Variants in TIPIN observed in about 807,000 individuals in gnomAD.
TIPIN encodes the protein TIMELESS interacting protein, also known as TIMELESS-interacting protein.
TIPIN carries 29 observed loss-of-function variants against 35.6 expected under a neutral mutation model. The observed-to-expected ratio is 0.82, with a 90% CI of 0.61 to 1.11. The LOEUF (loss-of-function observed/expected upper bound fraction) is 1.11, where lower values mean the gene tolerates loss of function less well. TIPIN is among the 50% of genes most tolerant of loss of function. The pLI, the probability that TIPIN is intolerant of heterozygous loss-of-function variation, is 0.00. For synonymous variants in TIPIN, 102 were observed against 121.5 expected (o/e 0.84, Z 1.06); for missense variants, 296 against 345.4 (o/e 0.86, Z 1.13).
chr15:66,382,537 T>C (rs1277073196), intron 1 of TIPIN, among the ~76,000 whole-genome samples: 2 of 152,026 alleles, frequency 1.3e-5, no homozygotes, highest in Non-Finnish European at 2.9e-5. Context: ...ACTATGCCTG[T>C]CTAATATTTG....
rs2140433553 is a variant in TIPIN, at chr15:66,337,009, A to T, written c.855T>A (p.Asn285Lys). 2 of 1,613,740 alleles carry T rather than the reference A, an allele frequency of 1.2e-6. No individual in the cohort carries two copies. The highest frequency in any genetic ancestry group is 4.5e-5 in the East Asian group (2 of 44,864). The change falls in exon 8 of 8, where the codon AAT (asparagine) becomes AAA (lysine). Residue 285 changes from asparagine (N) to lysine (K), a missense_variant. By Grantham distance (94) the Asn-to-Lys change is moderately conservative. Coordinates refer to ENST00000261881, the MANE Select transcript of TIPIN (RefSeq NM_017858.3). ...ATGTAGCATCAAGTTGCTGTTGCAC[A>T]TTTTTAAAAGACTGGTCCAGCAGTG... is the stretch of plus-strand genomic sequence containing the variant. ...EETLLDQSFK[N>K]VQQQLDATSR... is the part of the protein sequence containing the mutation.
intron 1 of TIPIN, among the ~76,000 whole-genome samples, chr15:66,374,809 T>C (rs1307620015): frequency 1.3e-5 from 2 of 152,148 alleles, no homozygotes; most frequent in Non-Finnish European, 2.9e-5. Flanking sequence ...TTCCAACTCC[T>C]GACCTCAGGT....
intron 6 of TIPIN, chr15:66,348,421 C>G (rs1241967825): frequency 6.6e-6 from 1 of 150,798 alleles, no homozygotes; most frequent in East Asian, 2.0e-4. Flanking sequence ...CCTATAATCC[C>G]AGCACTTTGG....
chr15:66,366,725 C>T (rs2093256099), intron 1 of TIPIN: 4 of 673,886 alleles, frequency 5.9e-6, no homozygotes, highest in Non-Finnish European at 7.3e-6. Flanking sequence ...TGAGAATGCA[C>T]CATTGCACTC....
chr15:66,367,316 T>A (rs2093260197), intron 1 of TIPIN, among the ~76,000 whole-genome samples: 1 of 151,818 alleles, frequency 6.6e-6, no homozygotes, highest in African/African-American at 2.4e-5. Flanking sequence ...AATTAGTACA[T>A]CTATGTGGAC....
At chr15:66,338,328 A>C (rs2093059983) in intron 7 of TIPIN, among the ~76,000 whole-genome samples, 1 of 152,184 alleles carries the variant, frequency 6.6e-6, no homozygotes, top group African/African-American at 2.4e-5. Flanking sequence ...TGTCAGAGTG[A>C]TCCATAAGAA....
chr15:66,372,921 T>C (rs1268736122), intron 1 of TIPIN, among the ~76,000 whole-genome samples: 1 of 151,816 alleles, frequency 6.6e-6, no homozygotes, highest in East Asian at 1.9e-4. Flanking sequence ...AAAAAAAAGA[T>C]TGTAATACCA....
At chr15:66,367,246 ATC>A in intron 1 of TIPIN, among the ~76,000 whole-genome samples, 1 of 118,016 alleles carries the variant, frequency 8.5e-6, no homozygotes, top group Non-Finnish European at 1.9e-5. Context: ...ATCTATATCT[ATC>A]TATATATCTA....
intron 6 of TIPIN, chr15:66,347,299 G>T (rs765063410): frequency 1.9e-6 from 1 of 516,786 alleles, no homozygotes; most frequent in Admixed American, 1.9e-5. Context: ...GTCTATGGTT[G>T]CACTGTACAA....
chr15:66,358,497 G>A (rs369702562), upstream of TIPIN, among the ~76,000 whole-genome samples: 9 of 150,918 alleles, frequency 6.0e-5, no homozygotes, highest in Admixed American at 2.0e-4. Flanking sequence ...GCAGTGGTGC[G>A]ATCACAGCTA....
At chr15:66,356,562 T>C in intron 1 of TIPIN, 77 bp downstream of exon 1, 1 of 967,510 alleles carries the variant, frequency 1.0e-6, no homozygotes, top group Non-Finnish European at 1.2e-6. Flanking sequence ...GCTCCCTGGC[T>C]CTTCCATCTG....
At chr15:66,340,395 C>G (rs1566970628) in intron 7 of TIPIN, among the ~76,000 whole-genome samples, 1 of 150,176 alleles carries the variant, frequency 6.7e-6, no homozygotes, top group Non-Finnish European at 1.5e-5. Flanking sequence ...CCAGGCTGGT[C>G]TTGAACTGCT....
chr15:66,386,346 A>G (rs1435922916), intron 1 of TIPIN: 2 of 152,178 alleles, frequency 1.3e-5, no homozygotes, highest in Non-Finnish European at 2.9e-5. Context: ...TCTGCTCTCA[A>G]AAACTGTCGC....
chr15:66,379,818 G>T, intron 1 of TIPIN: 1 of 1,597,690 alleles, frequency 6.3e-7, no homozygotes, highest in Non-Finnish European at 8.5e-7. Flanking sequence ...CCTCCGCAGG[G>T]TTCCTCTGGG....
At chr15:66,367,222 A>ATATCTATATCTATATCTATATCTG (rs1278520988) in intron 1 of TIPIN, among the ~76,000 whole-genome samples, 64 of 148,084 alleles carry the variant, frequency 4.3e-4, no homozygotes, top group South Asian at 8.6e-4. Flanking sequence ...ATCTATATCT[A>ATATCTATATCTATATCTATATCTG]TATCTGTATC....
intron 1 of TIPIN, chr15:66,383,087 G>A (rs1168918373): frequency 1.3e-5 from 8 of 624,318 alleles, no homozygotes; most frequent in Non-Finnish European, 1.6e-5. Flanking sequence ...AGCATGCATA[G>A]AATCATAATA....
intron 1 of TIPIN, among the ~76,000 whole-genome samples, chr15:66,354,213 C>G (rs927089818): frequency 3.3e-5 from 5 of 152,178 alleles, no homozygotes; most frequent in African/African-American, 1.2e-4. Flanking sequence ...ACTCTGCGAT[C>G]CAGATCACTA....
At chr15:66,369,932 G>A (rs2093271873) in intron 1 of TIPIN, among the ~76,000 whole-genome samples, 1 of 152,132 alleles carries the variant, frequency 6.6e-6, no homozygotes, top group Non-Finnish European at 1.5e-5. Context: ...AACGGATGAT[G>A]CAGGGGTTTT....
At chr15:66,339,131 C>CAAAAAAAAAAAAAAAAAAAAAAAAAA (rs35065958) in intron 7 of TIPIN, among the ~76,000 whole-genome samples, 1 of 20,594 alleles carries the variant, frequency 4.9e-5, no homozygotes, top group Non-Finnish European at 7.0e-5. Context: ...GACTCCATCT[C>CAAAAAAAAAAAAAAAAAAAAAAAAAA]AAAAAAAAAA....
Sources: gnomAD v4.1 joint callset for allele counts (sites outside exome capture counted in the v4.1 genomes callset) on GRCh38, gnomAD v4.1.1 for gene constraint, MANE v1.5 for transcripts, NCBI Gene and HGNC (gene_info 2026-07-23, HGNC 2026-07-21) for gene names.